The following PARP6 variants were observed in gnomAD, a reference collection of about 807,000 sequenced individuals.
The protein encoded by PARP6 is protein mono-ADP-ribosyltransferase PARP6.
A neutral mutation model predicts 92.0 loss-of-function variants in PARP6; 27 were observed. The observed-to-expected ratio is 0.29, with a 90% confidence interval of 0.22 to 0.40. PARP6 has a LOEUF of 0.40. Ranked by LOEUF, PARP6 falls within the 10% of genes least tolerant of loss-of-function variation. The probability of loss-of-function intolerance (pLI) is 1.00; values close to 1 mark genes in which losing one functional copy is unlikely to be tolerated. For missense variants in PARP6, 501 were observed against 784.5 expected (o/e 0.64, Z 4.32); for synonymous variants, 272 against 281.2 (o/e 0.97, Z 0.33).
chr15:72,261,433 G>A, intron 9 of PARP6, 125 bp downstream of exon 9: 1 of 816,366 alleles, frequency 1.2e-6, no homozygotes, highest in African/African-American at 1.7e-5. Context: ...CATGTGAGTG[G>A]TGTCAGTAGT....
At chr15:72,248,507 T>C (rs2083913790) in intron 20 of PARP6, among the ~76,000 whole-genome samples, 1 of 152,174 alleles carries the variant, frequency 6.6e-6, no homozygotes, top group Non-Finnish European at 1.5e-5. Flanking sequence ...AGTTACAAAT[T>C]ACTACAGGAT....
Position 72,241,522 on chromosome 15 carries a change from T to C in PARP6, c.1826A>G (p.Asn609Ser). 6.2e-7 allele frequency: 1 copy of C among 1,614,128 alleles called. No individual in the cohort carries two copies. The highest frequency in any genetic ancestry group is 8.5e-7 in the Non-Finnish European group (1 of 1,179,958). The change falls in exon 24 of 24, where the codon AAT becomes AGT. Residue 609 changes from asparagine (N) to serine (S), a missense_variant. Coordinates refer to ENST00000569795, the MANE Select transcript of PARP6 (RefSeq NM_001323532.2). This position sits in a 1 kb window ranked among gnomAD's most constrained non-coding sequence, Gnocchi z 4.1. ...CTTCTGTATCTTGGGGTCCTGAGTATTAATGTTGGCATCGCCCACCTGACC... is the reference window on the plus strand; with the variant it reads ...CTTCTGTATCTTGGGGTCCTGAGTACTAATGTTGGCATCGCCCACCTGACC... ...EDGQVGDANI[N>S]TQDPKIQKEI...
rs75454642 is a variant in PARP6 at position 72,254,307 on chromosome 15, G to A, written c.1191+148C>T. 8.8e-4 allele frequency: 545 copies of A among 619,474 alleles called. 17 individuals are homozygous for A. The South Asian group carries it at 9.6e-3, about 11-fold the overall frequency. The allele number at this position is 619,474 out of a possible 1,614,324, so 38.4% of individuals were successfully genotyped here. On this transcript the variant is annotated intron_variant, in intron 15 of 23. Transcript: ENST00000569795. ...ACAGAGCTAACAAAACAGAGAACAG[G>A]AATTGGGAAGGTTAAAGAGGAAAGA...
At chr15:72,253,292 C>T in intron 16 of PARP6, 145 bp downstream of exon 16, 1 of 475,744 alleles carries the variant, frequency 2.1e-6, no homozygotes, top group Non-Finnish European at 3.7e-6. Context: ...CAAGGTATGC[C>T]AACAAACTCC....
chr15:72,254,583 A>G, intron 14 of PARP6, 63 bp from the exon 15 acceptor site: 1 of 1,310,694 alleles, frequency 7.6e-7, no homozygotes, highest in Admixed American at 1.7e-5. Flanking sequence ...GTAAGATGTG[A>G]TGAAAAGGGG....
Position 72,271,138 on chromosome 15 carries a change from C to T in PARP6, c.-310G>A, listed in dbSNP as rs1419579898. ...TCACAGAGGAATAAAGAGGGAGGCACTAAATGTCCAGCCTGGGTTGCCCTG... is the reference window on the plus strand; with the variant it reads ...TCACAGAGGAATAAAGAGGGAGGCATTAAATGTCCAGCCTGGGTTGCCCTG... On this transcript the variant is annotated 5_prime_UTR_variant, in exon 2 of 24. In the 5' UTR this introduces an upstream ATG that the reference lacks. Transcript: ENST00000569795. 2 of 152,136 alleles carry T rather than the reference C, an allele frequency of 1.3e-5. No individual in the cohort carries two copies. Among genetic ancestry groups the T allele is most frequent in the Non-Finnish European group, 2.9e-5 (2 of 68,030 alleles). The allele number at this position is 152,136 out of a possible 1,614,324, so 9.4% of individuals were successfully genotyped here.
chr15:72,266,982 G>C (rs555272832), intron 3 of PARP6, 160 bp from the exon 4 acceptor site: 1 of 622,754 alleles, frequency 1.6e-6, no homozygotes, highest in African/African-American at 1.8e-5. Context: ...CCCTTTGTGA[G>C]AGTCTCAGTC....
At chr15:72,256,390 A>G (rs1429899489) in intron 14 of PARP6, 75 bp downstream of exon 14, 73 of 1,263,890 alleles carry the variant, frequency 5.8e-5, no homozygotes, top group Non-Finnish European at 7.4e-5. Context: ...TGTATATACC[A>G]GAATGTCAGC....
chr15:72,257,749 C>T (rs1204368938), intron 12 of PARP6, among the ~76,000 whole-genome samples: 4 of 152,222 alleles, frequency 2.6e-5, no homozygotes, highest in Non-Finnish European at 5.9e-5. Flanking sequence ...TGTCTCCCAT[C>T]TGGACTTAGA....
At chr15:72,265,541 G>A (rs2086470039) in intron 5 of PARP6, 68 bp from the exon 6 acceptor site, 1 of 1,251,998 alleles carries the variant, frequency 8.0e-7, no homozygotes, top group Non-Finnish European at 1.2e-6. Context: ...AAACTGAGTT[G>A]GAAAGAGAAC....
Position 72,242,275 on chromosome 15 carries a change from C to T in PARP6, c.1642-55G>A. 7.2e-7 allele frequency: 1 copy of T among 1,397,988 alleles called. No individual in the cohort carries two copies. The highest frequency in any genetic ancestry group is 1.0e-6 in the Non-Finnish European group (1 of 984,812). 86.6% of individuals were successfully genotyped at this position (1,397,988 alleles called of 1,614,324 possible). On this transcript the variant is annotated intron_variant, in intron 21 of 23. Coordinates refer to ENST00000569795, the MANE Select transcript of PARP6 (RefSeq NM_001323532.2). The surrounding 1 kb of genome is among the most constrained non-coding windows in gnomAD (Gnocchi z 4.3). ...AGCCAGGTAGATGGGTACAGCTTTC[C>T]CTAGAGAGGCTGGTTAGCTGATGAT...
Position 72,249,949 on chromosome 15 carries a change from G to C in PARP6, c.1491+71C>G, listed in dbSNP as rs890241396. The C allele has an allele frequency of 1.6e-5, 16 of 998,520 alleles. No individual in the cohort carries two copies. In the African/African-American group the frequency reaches 2.4e-4, roughly 15 times the overall value. 61.9% of individuals were successfully genotyped at this position (998,520 alleles called of 1,614,324 possible). On this transcript the variant is annotated intron_variant, in intron 19 of 23. Transcript: ENST00000569795. ...ACTGAGGCAAAAACAGCTTACTCTAGAGCAGCCTTCCACAAAACTGAGTAG... is the reference window on the plus strand; with the variant it reads ...ACTGAGGCAAAAACAGCTTACTCTACAGCAGCCTTCCACAAAACTGAGTAG...
chr15:72,241,184 A>C lies in PARP6; in HGVS notation c.*271T>G, dbSNP rs1226959505. ...TAGTCAAACCACAGTGATCATATCC[A>C]GTCCACAGCACCTTCCATTTTATTG... On this transcript the variant is annotated 3_prime_UTR_variant, in exon 24 of 24. Coordinates refer to ENST00000569795, the MANE Select transcript of PARP6 (RefSeq NM_001323532.2). This position sits in a 1 kb window ranked among gnomAD's most constrained non-coding sequence, Gnocchi z 4.1. 1 of 566,940 alleles carries C rather than the reference A, an allele frequency of 1.8e-6. No individual in the cohort carries two copies. The highest frequency in any genetic ancestry group is 1.8e-5 in the African/African-American group (1 of 54,078). The allele number at this position is 566,940 out of a possible 1,614,324, so 35.1% of individuals were successfully genotyped here. A position where few individuals can be genotyped will look rare whatever the true frequency, so the allele number is the denominator to read the frequency against.
chr15:72,253,675 G>A (rs1440378698), intron 15 of PARP6, 171 bp from the exon 16 acceptor site: 18 of 698,470 alleles, frequency 2.6e-5, no homozygotes, highest in Non-Finnish European at 4.7e-5. Flanking sequence ...AGGCTGGGAA[G>A]ACTCATAAAT....
chr15:72,265,860 G>T, intron 5 of PARP6, 37 bp downstream of exon 5: 1 of 1,371,494 alleles, frequency 7.3e-7, no homozygotes, highest in South Asian at 1.2e-5. Flanking sequence ...AGAAAGAAGT[G>T]ACTTGCTCCC....
intron 20 of PARP6, among the ~76,000 whole-genome samples, chr15:72,246,973 G>C: frequency 6.6e-6 from 1 of 152,012 alleles, no homozygotes; most frequent in South Asian, 2.1e-4. Context: ...GGTCAGGCTG[G>C]TCTCAAACTC....
Position 72,241,193 on chromosome 15 carries a change from C to A in PARP6, c.*262G>T. ...CACAGTGATCATATCCAGTCCACAG[C>A]ACCTTCCATTTTATTGTTTTATTTA... On this transcript the variant is annotated 3_prime_UTR_variant, in exon 24 of 24. Transcript: ENST00000569795. The surrounding 1 kb of genome is among the most constrained non-coding windows in gnomAD (Gnocchi z 4.1). 1 of 585,832 alleles carries A rather than the reference C, an allele frequency of 1.7e-6. No individual in the cohort carries two copies. The highest frequency in any genetic ancestry group is 1.5e-5 in the South Asian group (1 of 65,620). 36.3% of individuals were successfully genotyped at this position (585,832 alleles called of 1,614,324 possible). A position where few individuals can be genotyped will look rare whatever the true frequency, so the allele number is the denominator to read the frequency against.
chr15:72,245,394 TA>T, intron 20 of PARP6: 1 of 147,936 alleles, frequency 6.8e-6, no homozygotes, highest in African/African-American at 2.5e-5. Context: ...CAAAAACAAA[TA>T]AAAACCTGCC....
Position 72,248,464 on chromosome 15 carries a change from C to T in PARP6, c.1561+781G>A, listed in dbSNP as rs542066889. Among the ~76,000 whole-genome samples, 54 of 152,230 alleles carry T rather than the reference C, an allele frequency of 3.5e-4. No individual in the cohort carries two copies. In the South Asian group the frequency reaches 6.2e-3, roughly 18 times the overall value. On this transcript the variant is annotated intron_variant, in intron 20 of 23. Transcript: ENST00000569795. ...TCAAGCGATTCTCCTGCCTCAGCCT[C>T]CTGATGGCACTACATTTTCTGATCT...
Sources: allele counts gnomAD v4.1 joint callset (sites outside exome capture counted in the v4.1 genomes callset), GRCh38; gene constraint gnomAD v4.1.1; non-coding constraint Gnocchi (gnomAD v3.1); transcripts MANE v1.5; gene names NCBI Gene and HGNC (gene_info 2026-07-23, HGNC 2026-07-21).